KDM4B: variants seen among roughly 807,000 people sequenced by gnomAD.
KDM4B encodes lysine-specific demethylase 4B.
In KDM4B, 32 loss-of-function variants were observed where a neutral mutation model predicts 125.2. The ratio of observed to expected loss-of-function variants is 0.26; its 90% CI spans 0.19 to 0.34. KDM4B has a LOEUF of 0.34. Among genes scored for constraint, KDM4B ranks in the 10% least tolerant of loss-of-function variants. KDM4B has a pLI of 1.00. For synonymous variants in KDM4B, 721 were observed against 677.9 expected, an observed-to-expected ratio of 1.06 and a Z score of -0.99; for missense variants, 1,190 against 1,577.7, an observed-to-expected ratio of 0.75 and a Z score of 4.16.
chr19:5,078,449 C>G lies in KDM4B; in HGVS notation c.780+979C>G, dbSNP rs1240780030. 6.6e-6 allele frequency: 1 copy of G among 152,188 alleles called. No individual in the cohort carries two copies. Among genetic ancestry groups the G allele is most frequent in the African/African-American group, 2.4e-5 (1 of 41,432 alleles). The allele number at this position is 152,188 out of a possible 1,614,324, so 9.4% of individuals were successfully genotyped here. On this transcript the variant is annotated intron_variant, in intron 8 of 22. Transcript: ENST00000159111. The surrounding 1 kb of genome is among the most constrained non-coding windows in gnomAD (Gnocchi z 4.5). ...CGGGGCTGCAACCCAGAGGCCGCCT[C>G]CCAGCCGCTGCAGGCATTCATCAGA...
intron 6 of KDM4B, among the ~76,000 whole-genome samples, chr19:5,065,150 C>T (rs1021327084): frequency 6.6e-6 from 1 of 152,226 alleles, no homozygotes; most frequent in South Asian, 2.1e-4. Flanking sequence ...ACAGGAGGGG[C>T]CACAGCGCCT....
chr19:4,977,682 A>G (rs1339047816), intron 1 of KDM4B, among the ~76,000 whole-genome samples: 5 of 152,184 alleles, frequency 3.3e-5, no homozygotes, highest in Non-Finnish European at 7.3e-5. Flanking sequence ...CCTTTTGACC[A>G]CAGAGCCAGC....
intron 7 of KDM4B, 79 bp downstream of exon 7, chr19:5,071,138 C>A: frequency 7.4e-7 from 1 of 1,346,194 alleles, no homozygotes; most frequent in East Asian, 2.4e-5. Context: ...CAGCTGGCGT[C>A]CCCCGGGCTC....
At chr19:4,980,777 T>G (rs1380900198) in intron 1 of KDM4B, among the ~76,000 whole-genome samples, 1 of 152,014 alleles carries the variant, frequency 6.6e-6, no homozygotes, top group Non-Finnish European at 1.5e-5. Context: ...GCGGGGGGTG[T>G]CCTGTTTTGT....
chr19:4,999,185 T>C (rs2035292709), intron 1 of KDM4B, among the ~76,000 whole-genome samples: 1 of 152,212 alleles, frequency 6.6e-6, no homozygotes, highest in African/African-American at 2.4e-5. Flanking sequence ...CAGCTGTCCC[T>C]TGTTCCTTTC....
rs576028204 is a variant in KDM4B at position 5,150,769 on chromosome 19, C to T, written c.3114+319C>T. ...AGCCCCCTGTGCCCTGCAGGACCCG[C>T]GCTGCCCCACCCTGCACAGGGCGGC... On this transcript the variant is annotated intron_variant, in intron 22 of 22. Transcript: ENST00000159111. Among the ~76,000 whole-genome samples, 18 of 152,328 alleles carry T rather than the reference C, an allele frequency of 1.2e-4. No individual in the cohort carries two copies. In the South Asian group the frequency reaches 2.1e-3, roughly 18 times the overall value.
In KDM4B at chr19:5,114,797, C is replaced by T. The variant is rs561515276; in HGVS notation, c.1115+3979C>T. ...TCCCACTCTGGGTGCTGCAGGTGCCCTGTGTTACTGGGTGACAGGGCCAGA... is the reference window on the plus strand; with the variant it reads ...TCCCACTCTGGGTGCTGCAGGTGCCTTGTGTTACTGGGTGACAGGGCCAGA... On this transcript the variant is annotated intron_variant, in intron 10 of 22. Coordinates refer to ENST00000159111, the MANE Select transcript of KDM4B (RefSeq NM_015015.3). The surrounding 1 kb of genome is among the most constrained non-coding windows in gnomAD (Gnocchi z 5.8). Among the ~76,000 whole-genome samples, 13 of 152,330 alleles carry T rather than the reference C, an allele frequency of 8.5e-5. No individual in the cohort carries two copies. Among genetic ancestry groups the T allele is most frequent in the African/African-American group, 3.1e-4 (13 of 41,574 alleles).
intron 1 of KDM4B, among the ~76,000 whole-genome samples, chr19:4,984,796 T>C (rs1326246771): frequency 6.6e-6 from 1 of 152,164 alleles, no homozygotes; most frequent in Admixed American, 6.5e-5. Context: ...GTGTCCCTGC[T>C]GTAACCCCCA....
At chr19:5,151,294 G>GT (rs758624405) in intron 22 of KDM4B, 41 bp from the exon 23 acceptor site, 143 of 1,427,290 alleles carry the variant, frequency 1.0e-4, no homozygotes, top group Non-Finnish European at 1.3e-4. Flanking sequence ...CGCACAGAGT[G>GT]TCTCCACCGT....
At chr19:5,147,787 C>CG (rs1003011317) in intron 21 of KDM4B, among the ~76,000 whole-genome samples, 33 of 148,246 alleles carry the variant, frequency 2.2e-4, no homozygotes, top group Admixed American at 1.8e-3. Context: ...GTGCTCGGGG[C>CG]GGGGGGGCAG....
chr19:5,044,074 T>C (rs10412114), intron 5 of KDM4B, among the ~76,000 whole-genome samples: 8 of 39,606 alleles, frequency 2.0e-4, no homozygotes, highest in Admixed American at 5.5e-4. Context: ...TTATCCCGCG[T>C]GGTGTTTATC....
At chr19:5,049,546 C>T (rs1429823032) in intron 6 of KDM4B, among the ~76,000 whole-genome samples, 1 of 151,832 alleles carries the variant, frequency 6.6e-6, no homozygotes, top group Non-Finnish European at 1.5e-5. Context: ...AGTGTAGGCT[C>T]TAGCTGCAGG....
At position 5,009,030 on chromosome 19, in the gene KDM4B, T is replaced by G. The variant is rs542970351; in HGVS notation, c.-108-7227T>G. 1.2e-4 allele frequency among the ~76,000 whole-genome samples: 18 copies of G among 150,336 alleles called. 1 individual carries two copies. Among genetic ancestry groups the G allele is most frequent in the Admixed American group, 1.1e-3 (16 of 14,978 alleles). ...CCCAGGTTCAAGTAATTCTCCTGCC[T>G]CAGCTTCCTGAGTAGCTGGGACTAC... is the stretch of plus-strand genomic sequence containing the variant. On this transcript the variant is annotated intron_variant, in intron 1 of 22. Transcript: ENST00000159111.
chr19:5,133,834 T>C, intron 13 of KDM4B, 49 bp from the exon 14 acceptor site: 1 of 1,590,964 alleles, frequency 6.3e-7, no homozygotes, highest in Non-Finnish European at 8.6e-7. Context: ...CTTGGACGAG[T>C]TTTTAGGGGG....
intron 9 of KDM4B, among the ~76,000 whole-genome samples, chr19:5,085,623 C>T (rs1346702491): frequency 1.3e-5 from 2 of 152,328 alleles, no homozygotes; most frequent in South Asian, 2.1e-4. Flanking sequence ...CGAAACACAC[C>T]AGGGGTTCCA....
intron 1 of KDM4B, among the ~76,000 whole-genome samples, chr19:5,013,582 A>G (rs756912809): frequency 6.6e-6 from 1 of 152,118 alleles, no homozygotes; most frequent in African/African-American, 2.4e-5. Context: ...CCCAGCGTCT[A>G]GAGGTGTCCG....
intron 2 of KDM4B, among the ~76,000 whole-genome samples, chr19:5,017,878 C>T (rs956825628): frequency 2.6e-5 from 4 of 151,826 alleles, no homozygotes; most frequent in Non-Finnish European, 4.4e-5. Context: ...GTAGCTGGGA[C>T]TACACGAGCC....
chr19:5,014,396 C>T (rs1444322794), intron 1 of KDM4B, among the ~76,000 whole-genome samples: 5 of 152,168 alleles, frequency 3.3e-5, no homozygotes, highest in Non-Finnish European at 7.3e-5. Context: ...CCTGCCTCAG[C>T]CTCCCGAGTA....
intron 18 of KDM4B, among the ~76,000 whole-genome samples, chr19:5,143,053 C>T (rs934022753): frequency 4.6e-5 from 7 of 152,014 alleles, no homozygotes; most frequent in Admixed American, 2.0e-4. Context: ...AGGACCTGCG[C>T]GATGGCTCAC....
Sources: allele counts gnomAD v4.1 joint callset (sites outside exome capture counted in the v4.1 genomes callset), GRCh38; gene constraint gnomAD v4.1.1; non-coding constraint Gnocchi (gnomAD v3.1); transcripts MANE v1.5; gene names NCBI Gene and HGNC (gene_info 2026-07-23, HGNC 2026-07-21).